TRIM64C: variants seen among roughly 807,000 people sequenced by gnomAD.
TRIM64C encodes tripartite motif-containing protein 64C.
In TRIM64C, 25 loss-of-function variants were observed where a neutral mutation model predicts 36.1. The ratio of observed to expected loss-of-function variants is 0.69; its 90% CI spans 0.51 to 0.97. The LOEUF (loss-of-function observed/expected upper bound fraction) is 0.97, where lower values mean the gene tolerates loss of function less well. Among genes scored for constraint, TRIM64C ranks in the 50% least tolerant of loss-of-function variants. The pLI is 0.00. For synonymous variants in TRIM64C, 212 were observed against 185.7 expected (o/e 1.14, Z -1.15); for missense variants, 489 against 536.8 (o/e 0.91, Z 0.88).
chr11:49,054,596 T>C (rs1854791393), intron 5 of TRIM64C, among the ~76,000 whole-genome samples: 1 of 152,210 alleles, frequency 6.6e-6, no homozygotes, highest in Admixed American at 6.5e-5. Flanking sequence ...GGAATGTAAG[T>C]TATGCCTGTT....
chr11:49,057,714 A>C, intron 2 of TRIM64C: 1 of 477,424 alleles, frequency 2.1e-6, no homozygotes, highest in East Asian at 5.2e-5. Context: ...GCCATGCACC[A>C]TATTATGCAG....
intron 4 of TRIM64C, among the ~76,000 whole-genome samples, chr11:49,055,928 T>C (rs1185404964): frequency 6.6e-6 from 1 of 152,044 alleles, no homozygotes; most frequent in Non-Finnish European, 1.5e-5. Context: ...ACTGGGTGTA[T>C]GGTGATGGAG....
intron 3 of TRIM64C, 77 bp downstream of exon 3, chr11:49,057,071 C>T (rs1022314548): frequency 2.5e-5 from 38 of 1,510,254 alleles, no homozygotes; most frequent in Non-Finnish European, 1.3e-5. Flanking sequence ...GTGACATATG[C>T]TGATGACATT....
chr11:49,055,269 G>A (rs1256293799), intron 5 of TRIM64C, 41 bp downstream of exon 5: 6 of 1,534,186 alleles, frequency 3.9e-6, no homozygotes, highest in South Asian at 2.4e-5. Flanking sequence ...ACCCAATAAG[G>A]AAATAATTTG....
chr11:49,057,995 T>C, intron 2 of TRIM64C, 83 bp downstream of exon 2: 1 of 895,766 alleles, frequency 1.1e-6, no homozygotes, highest in Non-Finnish European at 1.7e-6. Context: ...ATCTTTTAAC[T>C]GGTAGTTTGA....
intron 2 of TRIM64C, chr11:49,057,869 A>T (rs1406050404): frequency 1.7e-5 from 9 of 527,026 alleles, no homozygotes; most frequent in Non-Finnish European, 2.7e-5. Flanking sequence ...TAGAATACAC[A>T]TCATGCCGTT....
Position 49,053,847 on chromosome 11 carries a change from A to T in TRIM64C, c.1220T>A (p.Val407Asp). Residue 407 changes from valine to aspartate, a missense_variant, in exon 6 of 6, where the codon GTT becomes GAT. By Grantham distance (152) the Val-to-Asp change is radical (BLOSUM62 -3). Coordinates refer to ENST00000617704, the MANE Select transcript of TRIM64C (RefSeq NM_001206631.1). ...ATTATCATAATCCAGAAACACCCCAACCCAACCCAGAGGCCTTTGCACATA... is the reference window on the plus strand; with the variant it reads ...ATTATCATAATCCAGAAACACCCCATCCCAACCCAGAGGCCTTTGCACATA... The part of the protein sequence containing the change: ...IQYVQRPLGW[V>D]GVFLDYDNGS... 1 of 1,551,732 alleles carries T rather than the reference A, an allele frequency of 6.4e-7. No homozygotes were observed. The highest frequency in any genetic ancestry group is 1.2e-5 in the South Asian group (1 of 84,052).
At chr11:49,056,451 G>A in intron 3 of TRIM64C, 70 bp from the exon 4 acceptor site, 1 of 1,231,660 alleles carries the variant, frequency 8.1e-7, no homozygotes. Flanking sequence ...TCATACTCTT[G>A]TTTCTTTCTG....
At chr11:49,055,572 A>T (rs1030637608) in intron 4 of TRIM64C, among the ~76,000 whole-genome samples, 165 bp from the exon 5 acceptor site, 5 of 152,128 alleles carry the variant, frequency 3.3e-5, no homozygotes, top group South Asian at 2.1e-4. Flanking sequence ...AAGGATGTTA[A>T]TTTTTTTAAA....
At chr11:49,054,845 C>T (rs1854793676) in intron 5 of TRIM64C, among the ~76,000 whole-genome samples, 2 of 152,230 alleles carry the variant, frequency 1.3e-5, no homozygotes, top group Admixed American at 6.5e-5. Context: ...GAATTGTCCT[C>T]ATTATGGATA....
At position 49,055,556 on chromosome 11, in the gene TRIM64C, G is replaced by T. The variant is rs116326242; in HGVS notation, c.762-149C>A. 1,358 of 1,083,734 alleles carry T rather than the reference G, an allele frequency of 1.3e-3. 20 individuals are homozygous for T. The African/African-American group carries it at 0.02, about 16-fold the overall frequency. The allele number at this position is 1,083,734 out of a possible 1,614,324, so 67.1% of individuals were successfully genotyped here. A position where few individuals can be genotyped will look rare whatever the true frequency, so the allele number is the denominator to read the frequency against. On this transcript the variant is annotated intron_variant, in intron 4 of 5. Transcript: ENST00000617704. ...TGTACATTTTATTCCACACTCTAGG[G>T]GCCATAAGGATGTTAATTTTTTTAA...
At position 49,058,836 on chromosome 11, in the gene TRIM64C, C is replaced by T; in HGVS notation, c.277G>A (p.Val93Met). 6.5e-7 allele frequency: 1 copy of T among 1,549,396 alleles called. No individual in the cohort carries two copies. Among genetic ancestry groups the T allele is most frequent in the East Asian group, 2.4e-5 (1 of 40,902 alleles). Residue 93 changes from valine to methionine, a missense_variant, in exon 1 of 6, where the codon GTG becomes ATG. Val to Met is a conservative substitution (Grantham distance 21, BLOSUM62 1). Transcript: ENST00000617704. ...AGCTCCTTAGTCTCCTCATGGAGCA[C>T]ACAGATATTGTCTGAGCTGTTGATG... ...QNINSSDNIC[V>M]LHEETKELFC...
Position 49,053,963 on chromosome 11 carries a change from T to G in TRIM64C, c.1104A>C (p.Ile368=), listed in dbSNP as rs1198255200. ...AAAATGTTTTGTCAGAATCAATAAC[T>G]ATATTGGTATCTGCTGTCCTAGAAT... The part of the protein sequence containing the change: ...CRDSRTADTN[I]VIDSDKTFFS... Residue 368 remains isoleucine (I), a synonymous_variant, in exon 6 of 6, where the codon ATA becomes ATC. Transcript: ENST00000617704. 16 of 1,551,498 alleles carry G rather than the reference T, an allele frequency of 1.0e-5. No individual in the cohort carries two copies. Among genetic ancestry groups the G allele is most frequent in the Non-Finnish European group, 1.4e-5 (16 of 1,146,862 alleles).
Position 49,053,844 on chromosome 11 carries a change from C to G in TRIM64C, c.1223G>C (p.Gly408Ala), listed in dbSNP as rs1433428031. 2.6e-6 allele frequency: 4 copies of G among 1,551,602 alleles called. No individual in the cohort carries two copies. The highest frequency in any genetic ancestry group is 1.4e-5 in the African/African-American group (1 of 73,022). Residue 408 changes from glycine (G) to alanine (A), a missense_variant, in exon 6 of 6, where the codon GGG becomes GCG. Transcript: ENST00000617704. ...TCCATTATCATAATCCAGAAACACC[C>G]CAACCCAACCCAGAGGCCTTTGCAC... ...QYVQRPLGWV[G>A]VFLDYDNGSV...
intron 4 of TRIM64C, 126 bp downstream of exon 4, chr11:49,056,233 C>T (rs1372398279): frequency 2.8e-6 from 2 of 704,570 alleles, no homozygotes; most frequent in African/African-American, 1.9e-5. Context: ...AGATCTCAGG[C>T]CCTCTTTTGA....
Position 49,054,121 on chromosome 11 carries a change from G to T in TRIM64C, c.946C>A (p.Arg316Ser). ...VRRVIFGDDH[R>S]SAPMDPQGVE... ...CCTTGGGGATCCATGGGTGCACTGC[G>T]ATGGTCATCTCCAAATATCACACGT... The change falls in exon 6 of 6, where the codon CGC becomes AGC. Residue 316 changes from arginine (R) to serine (S), a missense_variant. Physicochemically the swap from Arg to Ser is moderately radical, Grantham distance 110. Transcript: ENST00000617704. 1 of 1,551,580 alleles carries T rather than the reference G, an allele frequency of 6.4e-7. No individual in the cohort carries two copies. The highest frequency in any genetic ancestry group is 8.7e-7 in the Non-Finnish European group (1 of 1,146,858).
Position 49,053,801 on chromosome 11 carries a change from A to G in TRIM64C, c.1266T>C (p.Asp422=), listed in dbSNP as rs1854775961. ...CATAGATAAGAGAACCTTTAGAAAC[A>G]TCAAAAAAACTCACAGATCCATTAT... ...DYDNGSVSFF[D]VSKGSLIYGF... The change falls in exon 6 of 6, where the codon GAT becomes GAC. Residue 422 remains aspartate (D), a synonymous_variant. Coordinates refer to ENST00000617704, the MANE Select transcript of TRIM64C (RefSeq NM_001206631.1). 1 of 1,551,680 alleles carries G rather than the reference A, an allele frequency of 6.4e-7. No individual in the cohort carries two copies. The highest frequency in any genetic ancestry group is 1.4e-5 in the African/African-American group (1 of 73,172).
chr11:49,056,948 T>C (rs1854821132), intron 3 of TRIM64C, among the ~76,000 whole-genome samples, 200 bp downstream of exon 3: 1 of 151,932 alleles, frequency 6.6e-6, no homozygotes, highest in African/African-American at 2.4e-5. Flanking sequence ...TTGTTATATG[T>C]TATCTACTAA....
intron 4 of TRIM64C, 125 bp downstream of exon 4, chr11:49,056,234 C>A: frequency 2.8e-6 from 2 of 706,572 alleles, no homozygotes; most frequent in East Asian, 3.1e-5. Flanking sequence ...GATCTCAGGC[C>A]CTCTTTTGAA....
Sources: gnomAD v4.1 joint callset for allele counts (sites outside exome capture counted in the v4.1 genomes callset) on GRCh38, gnomAD v4.1.1 for gene constraint, MANE v1.5 for transcripts, NCBI Gene and HGNC (gene_info 2026-07-23, HGNC 2026-07-21) for gene names.